RASGEF1C: variants seen among roughly 807,000 people sequenced by gnomAD.
RASGEF1C encodes ras-GEF domain-containing family member 1C.
A neutral mutation model predicts 58.1 loss-of-function variants in RASGEF1C; 27 were observed. The observed-to-expected ratio is 0.46, with a 90% CI of 0.34 to 0.64. The LOEUF is 0.64. Among genes scored for constraint, RASGEF1C ranks in the 30% least tolerant of loss-of-function variants. The pLI is 0.01. For synonymous variants in RASGEF1C, 243 were observed against 246.3 expected (o/e 0.99, Z 0.13); for missense variants, 502 against 605.1 (o/e 0.83, Z 1.79).
intron 1 of RASGEF1C, among the ~76,000 whole-genome samples, chr5:180,188,986 G>A (rs1387140620): frequency 6.6e-6 from 1 of 152,150 alleles, no homozygotes; most frequent in Non-Finnish European, 1.5e-5. Flanking sequence ...CATCCAAATT[G>A]AAAAGGAAGG....
At chr5:180,125,321 A>T (rs774237519) in intron 6 of RASGEF1C, among the ~76,000 whole-genome samples, 4 of 152,256 alleles carry the variant, frequency 2.6e-5, no homozygotes, top group Admixed American at 6.5e-5. Context: ...AGGAAGGAAC[A>T]GGATACTTCC....
chr5:180,130,547 T>C (rs1304093039), intron 4 of RASGEF1C, among the ~76,000 whole-genome samples: 1 of 152,204 alleles, frequency 6.6e-6, no homozygotes, highest in African/African-American at 2.4e-5. Context: ...CACTCACTCC[T>C]GAATCACTTC....
chr5:180,119,109 T>C (rs1766123639), intron 8 of RASGEF1C, among the ~76,000 whole-genome samples: 1 of 152,182 alleles, frequency 6.6e-6, no homozygotes, highest in South Asian at 2.1e-4. Context: ...TCTGGGGACA[T>C]ACCACCAAGC....
At chr5:180,167,024 T>G (rs1225819153) in intron 1 of RASGEF1C, among the ~76,000 whole-genome samples, 1 of 152,200 alleles carries the variant, frequency 6.6e-6, no homozygotes, top group Non-Finnish European at 1.5e-5. Flanking sequence ...TTGATTATGT[T>G]GTATCTGGGC....
At chr5:180,204,199 T>A (rs1756450686) in intron 1 of RASGEF1C, among the ~76,000 whole-genome samples, 1 of 152,238 alleles carries the variant, frequency 6.6e-6, no homozygotes, top group Non-Finnish European at 1.5e-5. Flanking sequence ...ACAACTGCGT[T>A]GTCTCTACTT....
rs1431393092 is a variant in RASGEF1C, at chr5:180,165,819, G to A, written c.-6-27761C>T. On this transcript the variant is annotated intron_variant, in intron 1 of 13. Coordinates refer to ENST00000361132, the MANE Select transcript of RASGEF1C (RefSeq NM_175062.4). Reference sequence around the variant, plus strand: ...GGCTGGAGTGCAGTGGTGTGATCTCGGCTCACTGCAAGCTCTGCCTCCCGG... The same window carrying A: ...GGCTGGAGTGCAGTGGTGTGATCTCAGCTCACTGCAAGCTCTGCCTCCCGG... Among the ~76,000 whole-genome samples, 6 of 126,636 alleles carry A rather than the reference G, an allele frequency of 4.7e-5. 1 individual carries two copies. In the South Asian group the frequency reaches 8.0e-4, roughly 17 times the overall value. The allele number at this position is 126,636 out of a possible 152,430, so 83.1% of individuals were successfully genotyped here.
chr5:180,137,428 G>C lies in RASGEF1C; in HGVS notation c.300+162C>G, dbSNP rs1303160271. ...ACATGGAGGTTAAAGGTCCTGTTCTGCTCCTTCTGGCTCTGGGCCTCAGAC... is the reference window on the plus strand; with the variant it reads ...ACATGGAGGTTAAAGGTCCTGTTCTCCTCCTTCTGGCTCTGGGCCTCAGAC... On this transcript the variant is annotated intron_variant, in intron 3 of 13. Transcript: ENST00000361132. The surrounding 1 kb of genome is among the most constrained non-coding windows in gnomAD (Gnocchi z 4.1). Among the ~76,000 whole-genome samples the C allele has an allele frequency of 6.6e-6, 1 of 152,198 alleles. No homozygotes were observed. Among genetic ancestry groups the C allele is most frequent in the Non-Finnish European group, 1.5e-5 (1 of 68,034 alleles).
At position 180,137,451 on chromosome 5, in the gene RASGEF1C, G is replaced by T; in HGVS notation, c.300+139C>A. 1 of 1,209,818 alleles carries T rather than the reference G, an allele frequency of 8.3e-7. No homozygotes were observed. The highest frequency in any genetic ancestry group is 1.2e-6 in the Non-Finnish European group (1 of 859,022). 74.9% of individuals were successfully genotyped at this position (1,209,818 alleles called of 1,614,324 possible). A position where few individuals can be genotyped will look rare whatever the true frequency, so the allele number is the denominator to read the frequency against. ...CTGCTCCTTCTGGCTCTGGGCCTCAGACAAGGTGGAAACACCCGGTAGCCA... is the reference window on the plus strand; with the variant it reads ...CTGCTCCTTCTGGCTCTGGGCCTCATACAAGGTGGAAACACCCGGTAGCCA... On this transcript the variant is annotated intron_variant, in intron 3 of 13. Transcript: ENST00000361132. The surrounding 1 kb of genome is among the most constrained non-coding windows in gnomAD (Gnocchi z 4.1).
intron 1 of RASGEF1C, among the ~76,000 whole-genome samples, chr5:180,161,530 C>T (rs1454469196): frequency 6.6e-6 from 1 of 152,238 alleles, no homozygotes; most frequent in African/African-American, 2.4e-5. Context: ...GAGGACCTGA[C>T]GCGAGCTCTG....
chr5:180,173,733 T>C (rs1309053289), intron 1 of RASGEF1C, among the ~76,000 whole-genome samples: 2 of 151,888 alleles, frequency 1.3e-5, no homozygotes, highest in East Asian at 3.9e-4. Flanking sequence ...GCCAACATGG[T>C]GAAACCCCGT....
At chr5:180,148,739 G>T (rs542512442) in intron 1 of RASGEF1C, among the ~76,000 whole-genome samples, 2 of 152,238 alleles carry the variant, frequency 1.3e-5, no homozygotes, top group East Asian at 3.9e-4. Context: ...GTAAAAAAAA[G>T]GTAGAGTTAC....
At chr5:180,161,496 C>A (rs985643077) in intron 1 of RASGEF1C, among the ~76,000 whole-genome samples, 2 of 152,238 alleles carry the variant, frequency 1.3e-5, no homozygotes, top group Admixed American at 1.3e-4. Context: ...CCTGATGGGG[C>A]CGGGGCCATC....
chr5:180,104,111 G>A (rs1190651886), intron 12 of RASGEF1C, among the ~76,000 whole-genome samples: 4 of 152,190 alleles, frequency 2.6e-5, no homozygotes, highest in Admixed American at 2.0e-4. Context: ...ATATTCATGA[G>A]GGATATTGGC....
rs1767053189 is a variant in RASGEF1C, at chr5:180,168,404, G to T, written c.-6-30346C>A. Among the ~76,000 whole-genome samples, 6 of 152,186 alleles carry T rather than the reference G, an allele frequency of 3.9e-5. No homozygotes were observed. Among genetic ancestry groups the T allele is most frequent in the Admixed American group, 3.9e-4 (6 of 15,268 alleles). On this transcript the variant is annotated intron_variant, in intron 1 of 13. Transcript: ENST00000361132. This position sits in a 1 kb window ranked among gnomAD's most constrained non-coding sequence, Gnocchi z 6.0. ...GCCGAGATGGCGCCACTGCACTCCA[G>T]CCTGGGCAACAAGAGCGAAACTCCA... is the stretch of plus-strand genomic sequence containing the variant.
At chr5:180,170,423 C>T (rs976635645) in intron 1 of RASGEF1C, among the ~76,000 whole-genome samples, 8 of 152,228 alleles carry the variant, frequency 5.3e-5, no homozygotes, top group Non-Finnish European at 8.8e-5. Context: ...CCCACTTGCT[C>T]TGAGATGTGT....
intron 1 of RASGEF1C, among the ~76,000 whole-genome samples, chr5:180,166,522 T>C (rs539929280): frequency 1.3e-5 from 2 of 152,008 alleles, no homozygotes; most frequent in East Asian, 3.9e-4. Context: ...TTTCTTTTTT[T>C]TTTTTTTTTG....
intron 10 of RASGEF1C, among the ~76,000 whole-genome samples, chr5:180,117,804 G>A (rs1766093933): frequency 6.6e-6 from 1 of 152,088 alleles, no homozygotes. Flanking sequence ...GACCATCCTG[G>A]CCAATATGGT....
chr5:180,130,330 T>C, intron 4 of RASGEF1C, among the ~76,000 whole-genome samples: 1 of 152,166 alleles, frequency 6.6e-6, no homozygotes, highest in East Asian at 1.9e-4. Flanking sequence ...TCAGGAAGGC[T>C]GTGTCCAAAA....
intron 6 of RASGEF1C, among the ~76,000 whole-genome samples, chr5:180,123,680 G>A (rs1766212222): frequency 6.6e-6 from 1 of 151,874 alleles, no homozygotes; most frequent in Non-Finnish European, 1.5e-5. Flanking sequence ...TAAATCCAAA[G>A]AAAGTAGATG....
Sources: allele counts gnomAD v4.1 joint callset (sites outside exome capture counted in the v4.1 genomes callset), GRCh38; gene constraint gnomAD v4.1.1; non-coding constraint Gnocchi (gnomAD v3.1); transcripts MANE v1.5; gene names NCBI Gene and HGNC (gene_info 2026-07-23, HGNC 2026-07-21).